PALLD: variants seen among roughly 807,000 people sequenced by gnomAD.
PALLD encodes the protein palladin.
In PALLD, 61 loss-of-function variants were observed where a neutral mutation model predicts 123.5. That is an observed-to-expected ratio of 0.49 (90% CI 0.40 to 0.61). The LOEUF (loss-of-function observed/expected upper bound fraction) is 0.61. PALLD is among the 20% of genes least tolerant of loss of function. PALLD has a pLI of 0.00. For synonymous variants in PALLD, 465 were observed against 496.4 expected, an observed-to-expected ratio of 0.94 and a Z score of 0.84; for missense variants, 1,273 against 1,377.0, an observed-to-expected ratio of 0.92 and a Z score of 1.20.
chr4:168,516,559 G>A (rs1043243586), intron 2 of PALLD, among the ~76,000 whole-genome samples: 1 of 152,038 alleles, frequency 6.6e-6, no homozygotes, highest in African/African-American at 2.4e-5. Flanking sequence ...TTAAATGTAA[G>A]GAGACTGGGA....
chr4:168,598,503 C>T, intron 2 of PALLD: 1 of 492,766 alleles, frequency 2.0e-6, no homozygotes, highest in Non-Finnish European at 4.0e-6. Context: ...GAGAGAGGAG[C>T]AGAGAGAGGT....
chr4:168,912,931 T>A (rs1322606285), intron 15 of PALLD, among the ~76,000 whole-genome samples: 1 of 152,214 alleles, frequency 6.6e-6, no homozygotes, highest in South Asian at 2.1e-4. Flanking sequence ...TAGGTTTTTT[T>A]AATTACATAG....
At chr4:168,761,645 G>GTTTTTTTTTGTTTTTTTTTT (rs1732875430) in intron 10 of PALLD, among the ~76,000 whole-genome samples, 2 of 88,024 alleles carry the variant, frequency 2.3e-5, no homozygotes, top group Non-Finnish European at 4.4e-5. Flanking sequence ...GTTGTTGTTT[G>GTTTTTTTTTGTTTTTTTTTT]TTTTTTTTTT....
At chr4:168,578,682 AAC>A (rs1012085484) in intron 2 of PALLD, among the ~76,000 whole-genome samples, 1 of 152,148 alleles carries the variant, frequency 6.6e-6, no homozygotes, top group Non-Finnish European at 1.5e-5. Flanking sequence ...TGAAGAAAAA[AAC>A]ACAGAGGAGT....
intron 2 of PALLD, among the ~76,000 whole-genome samples, chr4:168,525,447 T>C (rs1206881277): frequency 6.6e-6 from 1 of 152,158 alleles, no homozygotes; most frequent in Non-Finnish European, 1.5e-5. Context: ...CATGGTATAG[T>C]GTATCTAGGT....
chr4:168,505,179 G>C lies in PALLD; in HGVS notation c.-82-6244G>C, dbSNP rs555140206. Among the ~76,000 whole-genome samples the C allele has an allele frequency of 3.9e-4, 60 of 152,212 alleles. No homozygotes were observed. The East Asian group carries it at 0.01, about 26-fold the overall frequency. ...CCCTAGACCACGTGCATGTTCCCGC[G>C]GCAATAACTGGCTTGCAAATTAAGC... On this transcript the variant is annotated intron_variant, in intron 1 of 21. Coordinates refer to ENST00000505667, the MANE Select transcript of PALLD (RefSeq NM_001166108.2).
intron 10 of PALLD, among the ~76,000 whole-genome samples, chr4:168,814,815 G>A (rs1398324423): frequency 6.6e-6 from 1 of 152,184 alleles, no homozygotes; most frequent in East Asian, 1.9e-4. Context: ...CTGTCACCCA[G>A]GCTGTAGTGC....
intron 10 of PALLD, among the ~76,000 whole-genome samples, chr4:168,714,964 G>A (rs1331380299): frequency 6.6e-6 from 1 of 151,988 alleles, no homozygotes; most frequent in Non-Finnish European, 1.5e-5. Context: ...GAAGGGCCAT[G>A]AGCTCTTTTC....
At chr4:168,885,604 G>C (rs1274933039) in intron 10 of PALLD, 1 of 152,148 alleles carries the variant, frequency 6.6e-6, no homozygotes, top group Non-Finnish European at 1.5e-5. Context: ...AGATTGGCAT[G>C]TCTCCAGCCA....
chr4:168,745,371 A>G (rs943596984), intron 10 of PALLD, among the ~76,000 whole-genome samples: 2 of 139,290 alleles, frequency 1.4e-5, no homozygotes, highest in South Asian at 2.4e-4. Context: ...ACCCCAATCT[A>G]TATTAGTTTA....
chr4:168,579,617 A>T (rs1409537178), intron 2 of PALLD, among the ~76,000 whole-genome samples: 1 of 152,120 alleles, frequency 6.6e-6, no homozygotes. Flanking sequence ...ATTAAAAAAT[A>T]TGAGAATCAT....
intron 10 of PALLD, among the ~76,000 whole-genome samples, chr4:168,824,669 AT>A (rs1284580797): frequency 6.6e-6 from 1 of 152,050 alleles, no homozygotes; most frequent in East Asian, 1.9e-4. Flanking sequence ...TAAAAAAAAA[AT>A]CTTAATTTTT....
intron 3 of PALLD, among the ~76,000 whole-genome samples, chr4:168,679,281 GAGTATGGA>G: frequency 1.1e-5 from 1 of 86,982 alleles, no homozygotes. Context: ...GTGGTGGGGT[GAGTATGGA>G]TGTGTGTGGG....
chr4:168,877,043 C>T (rs1273695451), intron 10 of PALLD, among the ~76,000 whole-genome samples: 1 of 152,196 alleles, frequency 6.6e-6, no homozygotes, highest in Non-Finnish European at 1.5e-5. Flanking sequence ...TTATTGAACA[C>T]CTACCTGTTA....
intron 17 of PALLD, among the ~76,000 whole-genome samples, chr4:168,920,217 G>A (rs1258280333): frequency 6.6e-6 from 1 of 152,218 alleles, no homozygotes; most frequent in East Asian, 1.9e-4. Context: ...ATAGATAGGA[G>A]AACACAGAGC....
At chr4:168,885,836 AT>A (rs1334303142) in intron 10 of PALLD, among the ~76,000 whole-genome samples, 1 of 152,206 alleles carries the variant, frequency 6.6e-6, no homozygotes, top group Non-Finnish European at 1.5e-5. Context: ...GGAGGCAAGC[AT>A]TTGTACCTGC....
chr4:168,499,675 C>G (rs1443487688), intron 1 of PALLD, among the ~76,000 whole-genome samples: 22 of 152,140 alleles, frequency 1.4e-4, no homozygotes, highest in Admixed American at 1.4e-3. Context: ...TAAATCCCCC[C>G]ACAGAGGTCA....
At chr4:168,784,946 T>C (rs1331542185) in intron 10 of PALLD, among the ~76,000 whole-genome samples, 1 of 152,030 alleles carries the variant, frequency 6.6e-6, no homozygotes, top group East Asian at 1.9e-4. Flanking sequence ...TCCGTGAGAC[T>C]TGGCAAAGAG....
chr4:168,899,945 G>C (rs901238081), intron 14 of PALLD, among the ~76,000 whole-genome samples: 1 of 151,890 alleles, frequency 6.6e-6, no homozygotes, highest in African/African-American at 2.4e-5. Flanking sequence ...AAGAAAATAG[G>C]CTTTACTGGC....
Sources: allele counts gnomAD v4.1 joint callset (sites outside exome capture counted in the v4.1 genomes callset), GRCh38; gene constraint gnomAD v4.1.1; transcripts MANE v1.5; gene names NCBI Gene and HGNC (gene_info 2026-07-23, HGNC 2026-07-21).